Variants in AUTS2 observed in about 807,000 individuals in gnomAD.
The protein encoded by AUTS2 is autism susceptibility gene 2 protein.
Under a neutral mutation model 112.4 loss-of-function variants are expected in AUTS2, and 17 were observed. That is an observed-to-expected ratio of 0.15 (90% confidence interval 0.10 to 0.23). The LOEUF is 0.23. Among genes scored for constraint, AUTS2 ranks in the 10% least tolerant of loss-of-function variants. The pLI is 1.00. For synonymous variants in AUTS2, 751 were observed against 702.7 expected, an observed-to-expected ratio of 1.07 and a Z score of -1.09; for missense variants, 1,510 against 1,701.6, an observed-to-expected ratio of 0.89 and a Z score of 1.98.
At chr7:69,962,826 A>C (rs1308625811) in intron 2 of AUTS2, among the ~76,000 whole-genome samples, 2 of 152,102 alleles carry the variant, frequency 1.3e-5, no homozygotes, top group African/African-American at 4.8e-5. Context: ...GAAGAAAAGC[A>C]CGTACAAAGG....
chr7:70,506,417 C>T (rs1798963612), intron 5 of AUTS2, among the ~76,000 whole-genome samples: 1 of 152,202 alleles, frequency 6.6e-6, no homozygotes, highest in African/African-American at 2.4e-5. Flanking sequence ...ACAGATGGAA[C>T]ATGCCTCATA....
chr7:70,594,212 T>A (rs1326684238), intron 5 of AUTS2, among the ~76,000 whole-genome samples: 6 of 152,220 alleles, frequency 3.9e-5, no homozygotes, highest in Non-Finnish European at 8.8e-5. Flanking sequence ...ACTTTGACCC[T>A]GACCTTTGCT....
chr7:70,095,230 C>T (rs1233774570), intron 2 of AUTS2, among the ~76,000 whole-genome samples: 1 of 152,098 alleles, frequency 6.6e-6, no homozygotes, highest in Non-Finnish European at 1.5e-5. Flanking sequence ...CACTAATAAA[C>T]TTGAGAGGAT....
chr7:70,365,791 GT>G (rs1159291220), intron 4 of AUTS2, among the ~76,000 whole-genome samples: 4 of 152,228 alleles, frequency 2.6e-5, no homozygotes, highest in African/African-American at 4.8e-5. Flanking sequence ...TTCTAAAGCA[GT>G]GCTGTTTTGA....
intron 2 of AUTS2, among the ~76,000 whole-genome samples, chr7:70,110,818 C>T (rs977185646): frequency 1.8e-4 from 26 of 148,536 alleles, no homozygotes; most frequent in South Asian, 4.3e-4. Flanking sequence ...AGTGACTTTA[C>T]GATACATGAA....
chr7:70,047,231 G>A (rs1801545851), intron 2 of AUTS2, among the ~76,000 whole-genome samples: 1 of 152,106 alleles, frequency 6.6e-6, no homozygotes. Context: ...AGATGTAAAA[G>A]TTTATAATTT....
At chr7:69,729,936 G>A (rs1306853779) in intron 1 of AUTS2, among the ~76,000 whole-genome samples, 2 of 143,760 alleles carry the variant, frequency 1.4e-5, no homozygotes, top group Non-Finnish European at 3.1e-5. Flanking sequence ...CTTTTAATGG[G>A]TTATGGGTTC....
intron 6 of AUTS2, chr7:70,729,018 C>T (rs919870348): frequency 4.4e-5 from 16 of 363,650 alleles, no homozygotes; most frequent in East Asian, 7.6e-5. Flanking sequence ...GCACCACCTC[C>T]GGGCAGGATT....
At chr7:70,449,499 G>C (rs1796444555) in intron 5 of AUTS2, among the ~76,000 whole-genome samples, 1 of 152,104 alleles carries the variant, frequency 6.6e-6, no homozygotes, top group African/African-American at 2.4e-5. Flanking sequence ...CATGGTGCTG[G>C]AGTCAGTAGA....
intron 5 of AUTS2, among the ~76,000 whole-genome samples, chr7:70,556,222 A>G (rs1269970357): frequency 1.3e-5 from 2 of 152,210 alleles, no homozygotes; most frequent in Middle Eastern, 3.4e-3. Flanking sequence ...ACCAGAGCTC[A>G]TGTGACCTCA....
At position 69,831,879 on chromosome 7, in the gene AUTS2, T is replaced by C. The variant is rs1039056726; in HGVS notation, c.310-67407T>C. On this transcript the variant is annotated intron_variant, in intron 1 of 18. Transcript: ENST00000342771. ...CATCACTTTACTTAATAATTGAAAG[T>C]TACTTGGCTTTGGCCCTTGGCATGA... 9.2e-5 allele frequency among the ~76,000 whole-genome samples: 14 copies of C among 152,216 alleles called. No homozygotes were observed. The East Asian group carries it at 1.2e-3, about 13-fold the overall frequency.
chr7:70,767,885 C>T, intron 9 of AUTS2, 139 bp from the exon 10 acceptor site: 1 of 768,730 alleles, frequency 1.3e-6, no homozygotes, highest in South Asian at 1.7e-5. Context: ...CTCAGGAGCT[C>T]AGAATGGTTT....
chr7:70,150,991 C>T (rs192180006), intron 4 of AUTS2, among the ~76,000 whole-genome samples: 80 of 152,264 alleles, frequency 5.3e-4, no homozygotes, highest in African/African-American at 1.9e-3. Context: ...CAAATGTAGT[C>T]ATCTCTTTGA....
intron 5 of AUTS2, among the ~76,000 whole-genome samples, chr7:70,485,786 A>G (rs971617254): frequency 5.9e-5 from 9 of 151,946 alleles, no homozygotes; most frequent in African/African-American, 2.2e-4. Flanking sequence ...TATAATTGTG[A>G]TCTTTATGAT....
rs147496122 is a variant in AUTS2 at position 70,543,443 on chromosome 7, C to T, written c.690+107662C>T. On this transcript the variant is annotated intron_variant, in intron 5 of 18. Coordinates refer to ENST00000342771, the MANE Select transcript of AUTS2 (RefSeq NM_015570.4). ...ACTCGGGAGGCTGAGGCACGAGAAT[C>T]GCTTGAACCCGGGAGGCAGAGGTTG... 4.1e-4 allele frequency among the ~76,000 whole-genome samples: 62 copies of T among 151,576 alleles called. 3 individuals carry two copies. The highest frequency in any genetic ancestry group is 2.0e-4 in the East Asian group (1 of 5,120).
Position 70,083,860 on chromosome 7 carries a change from T to A in AUTS2, c.523-34272T>A, listed in dbSNP as rs768457023. Among the ~76,000 whole-genome samples, 38 of 152,146 alleles carry A rather than the reference T, an allele frequency of 2.5e-4. 1 individual carries two copies. The highest frequency in any genetic ancestry group is 5.0e-4 in the Non-Finnish European group (34 of 68,018). ...TACTCAGGAGGCTGAGGTGGGAGGATTGCTTGAGCCCAAGAGGTCAAGACT... is the reference window on the plus strand; with the variant it reads ...TACTCAGGAGGCTGAGGTGGGAGGAATGCTTGAGCCCAAGAGGTCAAGACT... On this transcript the variant is annotated intron_variant, in intron 2 of 18. Coordinates refer to ENST00000342771, the MANE Select transcript of AUTS2 (RefSeq NM_015570.4).
At chr7:69,690,860 T>C (rs1014835293) in intron 1 of AUTS2, among the ~76,000 whole-genome samples, 2 of 152,176 alleles carry the variant, frequency 1.3e-5, no homozygotes, top group Non-Finnish European at 2.9e-5. Flanking sequence ...AAGAATGAGA[T>C]ACGTGGACAA....
At chr7:69,856,157 A>G (rs1792712151) in intron 1 of AUTS2, among the ~76,000 whole-genome samples, 1 of 152,070 alleles carries the variant, frequency 6.6e-6, no homozygotes, top group Non-Finnish European at 1.5e-5. Context: ...TCCTCAGGTG[A>G]GCCCCAACTT....
chr7:70,721,279 C>CGTCT (rs1786649954), intron 6 of AUTS2, among the ~76,000 whole-genome samples: 1 of 140,052 alleles, frequency 7.1e-6, no homozygotes, highest in Non-Finnish European at 1.5e-5. Context: ...GAATTTCATT[C>CGTCT]GTGTGTGTGT....
Sources: gnomAD v4.1 joint callset for allele counts (sites outside exome capture counted in the v4.1 genomes callset) on GRCh38, gnomAD v4.1.1 for gene constraint, MANE v1.5 for transcripts, NCBI Gene and HGNC (gene_info 2026-07-23, HGNC 2026-07-21) for gene names.